ADARB2: variants seen among roughly 807,000 people sequenced by gnomAD.
The protein encoded by ADARB2 is inactive double-stranded RNA-specific editase B2.
A neutral mutation model predicts 62.2 loss-of-function variants in ADARB2; 25 were observed. That is an observed-to-expected ratio of 0.40 (90% CI 0.29 to 0.56). The LOEUF (loss-of-function observed/expected upper bound fraction) is 0.56, where lower values mean the gene tolerates loss of function less well. ADARB2 is among the 20% of genes least tolerant of loss of function. The pLI, the probability that ADARB2 is intolerant of heterozygous loss-of-function variation, is 0.43. For missense variants in ADARB2, 1,071 were observed against 1,077.4 expected, an observed-to-expected ratio of 0.99 and a Z score of 0.08; for synonymous variants, 572 against 500.8, an observed-to-expected ratio of 1.14 and a Z score of -1.90.
chr10:1,318,682 G>C lies in ADARB2; in HGVS notation c.1077+44346C>G, dbSNP rs1831765099. Among the ~76,000 whole-genome samples, 3 of 152,202 alleles carry C rather than the reference G, an allele frequency of 2.0e-5. No homozygotes were observed. In the South Asian group the frequency reaches 6.2e-4, roughly 32 times the overall value. On this transcript the variant is annotated intron_variant, in intron 3 of 9. Coordinates refer to ENST00000381312, the MANE Select transcript of ADARB2 (RefSeq NM_018702.4). ...AAAGGCTGCTCGAGACTGTGTTTGGGAATGCCTTCTGTGACCTCTAAAGTG... is the reference window on the plus strand; with the variant it reads ...AAAGGCTGCTCGAGACTGTGTTTGGCAATGCCTTCTGTGACCTCTAAAGTG...
At chr10:1,585,838 T>G (rs543507852) in intron 1 of ADARB2, among the ~76,000 whole-genome samples, 1 of 152,048 alleles carries the variant, frequency 6.6e-6, no homozygotes, top group Admixed American at 6.6e-5. Context: ...ATCGAGACCA[T>G]CCTGGCTAAC....
At chr10:1,409,241 A>AGTGG (rs1387937980) in intron 1 of ADARB2, among the ~76,000 whole-genome samples, 2,744 of 89,866 alleles carry the variant, frequency 0.031, 51 homozygotes, top group Middle Eastern at 0.057. Flanking sequence ...CCTGCCTGAC[A>AGTGG]GCGGGCTCCC....
At chr10:1,226,384 C>T (rs150501723) in intron 6 of ADARB2, among the ~76,000 whole-genome samples, 8 of 152,290 alleles carry the variant, frequency 5.3e-5, no homozygotes, top group South Asian at 2.1e-4. Context: ...GTAGTTTGAT[C>T]GTCTGAAGCC....
intron 1 of ADARB2, among the ~76,000 whole-genome samples, chr10:1,522,742 C>A (rs1832088427): frequency 6.6e-6 from 1 of 152,144 alleles, no homozygotes; most frequent in Non-Finnish European, 1.5e-5. Flanking sequence ...GGATCTTAGC[C>A]CCATTTTTCA....
chr10:1,443,912 G>T (rs1830930948), intron 1 of ADARB2, among the ~76,000 whole-genome samples: 1 of 152,182 alleles, frequency 6.6e-6, no homozygotes, highest in South Asian at 2.1e-4. Flanking sequence ...TACCACTATT[G>T]CAGGTTAACA....
chr10:1,707,848 G>T (rs368289016), intron 1 of ADARB2, among the ~76,000 whole-genome samples: 230 of 152,342 alleles, frequency 1.5e-3, no homozygotes, highest in African/African-American at 4.8e-3. Flanking sequence ...TCCTCTGCTT[G>T]TTGGGGGACC....
chr10:1,509,883 T>C (rs921103444), intron 1 of ADARB2, among the ~76,000 whole-genome samples: 9 of 152,152 alleles, frequency 5.9e-5, no homozygotes, highest in African/African-American at 2.2e-4. Flanking sequence ...GGCCTGGCTA[T>C]TTTCTTCTTT....
intron 1 of ADARB2, among the ~76,000 whole-genome samples, chr10:1,734,004 TA>T (rs1835268389): frequency 9.7e-6 from 1 of 103,382 alleles, no homozygotes; most frequent in Non-Finnish European, 2.3e-5. Context: ...GTCCTTCTCA[TA>T]GTTTTTTTTT....
At chr10:1,446,338 A>G (rs1425280353) in intron 1 of ADARB2, among the ~76,000 whole-genome samples, 4 of 152,230 alleles carry the variant, frequency 2.6e-5, no homozygotes, top group Non-Finnish European at 5.9e-5. Context: ...ACAAATCGTC[A>G]TAGTAAGAAA....
At chr10:1,574,717 C>T (rs1341996510) in intron 1 of ADARB2, among the ~76,000 whole-genome samples, 1 of 151,404 alleles carries the variant, frequency 6.6e-6, no homozygotes, top group Admixed American at 6.6e-5. Flanking sequence ...CCCTAAAGAC[C>T]TCATTTTATC....
chr10:1,208,097 C>T (rs1837093604), intron 7 of ADARB2, among the ~76,000 whole-genome samples: 1 of 152,218 alleles, frequency 6.6e-6, no homozygotes, highest in Non-Finnish European at 1.5e-5. Context: ...TCTTATTGAC[C>T]TGTGACTACC....
chr10:1,549,322 C>T (rs372537713), intron 1 of ADARB2, among the ~76,000 whole-genome samples: 10 of 152,264 alleles, frequency 6.6e-5, no homozygotes, highest in African/African-American at 2.4e-4. Context: ...CAAAAAAATT[C>T]GACTGTCTCT....
intron 1 of ADARB2, among the ~76,000 whole-genome samples, chr10:1,538,008 T>G (rs2176381): frequency 0.017 from 2,565 of 152,196 alleles, 73 homozygotes; most frequent in African/African-American, 0.059. Context: ...TTTAAAAAAT[T>G]GAAAGTTCAG....
intron 1 of ADARB2, among the ~76,000 whole-genome samples, chr10:1,610,196 G>T (rs534057171): frequency 6.6e-6 from 1 of 152,196 alleles, no homozygotes; most frequent in Non-Finnish European, 1.5e-5. Context: ...GAATCACCGT[G>T]GGCTCCCTGC....
At chr10:1,201,328 A>G (rs1271241761) in intron 7 of ADARB2, among the ~76,000 whole-genome samples, 4 of 151,912 alleles carry the variant, frequency 2.6e-5, no homozygotes, top group Non-Finnish European at 5.9e-5. Context: ...ATAAAAGGTA[A>G]TATTTATATA....
intron 1 of ADARB2, among the ~76,000 whole-genome samples, chr10:1,622,444 A>G (rs1037737068): frequency 6.6e-6 from 1 of 152,316 alleles, no homozygotes; most frequent in Admixed American, 6.5e-5. Context: ...TATCTGATAA[A>G]GAACTTTTAT....
intron 3 of ADARB2, among the ~76,000 whole-genome samples, chr10:1,298,949 T>A (rs1358542602): frequency 6.6e-6 from 1 of 151,648 alleles, no homozygotes; most frequent in East Asian, 1.9e-4. Flanking sequence ...TTCACTATGG[T>A]GCCCAGGTTG....
At chr10:1,446,581 C>G (rs952090813) in intron 1 of ADARB2, among the ~76,000 whole-genome samples, 1 of 152,214 alleles carries the variant, frequency 6.6e-6, no homozygotes, top group African/African-American at 2.4e-5. Context: ...AAGCAGGAGA[C>G]ACGCTGGGCA....
intron 1 of ADARB2, among the ~76,000 whole-genome samples, chr10:1,510,168 C>CTTTCT (rs1564312666): frequency 2.2e-5 from 1 of 45,958 alleles, no homozygotes; most frequent in Non-Finnish European, 4.7e-5. Context: ...TTCTTTCTTT[C>CTTTCT]TTTTTCTTTC....
Sources: gnomAD v4.1 joint callset for allele counts (sites outside exome capture counted in the v4.1 genomes callset) on GRCh38, gnomAD v4.1.1 for gene constraint, MANE v1.5 for transcripts, NCBI Gene and HGNC (gene_info 2026-07-23, HGNC 2026-07-21) for gene names.